The following INTS2 variants were observed in gnomAD, a reference collection of about 807,000 sequenced individuals.
INTS2 encodes KIAA1287.
A neutral mutation model predicts 139.6 loss-of-function variants in INTS2; 57 were observed. That is an observed-to-expected ratio of 0.41 (90% CI 0.33 to 0.51). The LOEUF (loss-of-function observed/expected upper bound fraction) is 0.51, where lower values mean the gene tolerates loss of function less well. INTS2 is among the 20% of genes least tolerant of loss of function. INTS2 has a pLI of 0.28. For missense variants in INTS2, 1,196 were observed against 1,436.7 expected, an observed-to-expected ratio of 0.83 and a Z score of 2.71; for synonymous variants, 473 against 493.4, an observed-to-expected ratio of 0.96 and a Z score of 0.55.
intron 5 of INTS2, among the ~76,000 whole-genome samples, chr17:61,913,952 AC>A (rs1300299773): frequency 6.6e-6 from 1 of 152,146 alleles, no homozygotes; most frequent in Non-Finnish European, 1.5e-5. Context: ...ATCCATGACA[AC>A]AATGGCACAA....
rs200866807 is a variant in INTS2 at position 61,923,688 on chromosome 17, T to TGG, written c.432+1272_432+1273insCC. 4.6e-5 allele frequency among the ~76,000 whole-genome samples: 7 copies of TGG among 152,020 alleles called. No individual in the cohort carries two copies. In the South Asian group the frequency reaches 6.3e-4, roughly 14 times the overall value. On this transcript the variant is annotated intron_variant, in intron 3 of 24. Transcript: ENST00000251334. ...TAGTGGGTTTTTGTGGTGGTGGTGG[T>TGG]TGTTGTTTTTGAGGCAGTTTTACTC...
At position 61,911,807 on chromosome 17, in the gene INTS2, A is replaced by T. The variant is rs2079529369; in HGVS notation, c.781-114T>A. The T allele has an allele frequency of 2.8e-6, 4 of 1,421,948 alleles. No homozygotes were observed. In the Admixed American group the frequency reaches 9.0e-5, roughly 32 times the overall value. 88.1% of individuals were successfully genotyped at this position (1,421,948 alleles called of 1,614,324 possible). ...GGAAGAACTCCTACAAAACATAAAA[A>T]CCCAGAGAGGAAGGTAACATATCCA... On this transcript the variant is annotated intron_variant, in intron 6 of 24. Coordinates refer to ENST00000251334, the MANE Select transcript of INTS2 (RefSeq NM_001351695.2).
chr17:61,906,160 G>A (rs1459345258), intron 8 of INTS2, among the ~76,000 whole-genome samples: 1 of 152,076 alleles, frequency 6.6e-6, no homozygotes, highest in Non-Finnish European at 1.5e-5. Flanking sequence ...AATCTGAAAT[G>A]CCCCCAAACT....
intron 8 of INTS2, among the ~76,000 whole-genome samples, chr17:61,904,946 A>ATT (rs547719682): frequency 5.7e-5 from 8 of 141,150 alleles, no homozygotes; most frequent in East Asian, 4.1e-4. Flanking sequence ...ATAATGCATA[A>ATT]TTTTTTTTTT....
chr17:61,881,179 A>T lies in INTS2; in HGVS notation c.2090-8T>A. On this transcript the variant is annotated splice_polypyrimidine_tract_variant and splice_region_variant and intron_variant, in intron 16 of 24. Coordinates refer to ENST00000251334, the MANE Select transcript of INTS2 (RefSeq NM_001351695.2). ...GTAAAGCTGAATGCAACCCTTGAAA[A>T]TTTACAGAAAATCAATTGGATTCTT... is the stretch of plus-strand genomic sequence containing the variant. 1.2e-6 allele frequency: 2 copies of T among 1,604,542 alleles called. No individual in the cohort carries two copies. Among genetic ancestry groups the T allele is most frequent in the Non-Finnish European group, 1.7e-6 (2 of 1,175,252 alleles).
At chr17:61,883,379 A>G (rs1388694816) in intron 16 of INTS2, among the ~76,000 whole-genome samples, 2 of 151,908 alleles carry the variant, frequency 1.3e-5, no homozygotes, top group African/African-American at 2.4e-5. Flanking sequence ...ATACAAAGAC[A>G]TAAGTAAATA....
rs1567912966 is a variant in INTS2 at position 61,911,660 on chromosome 17, C to A, written c.814G>T (p.Ala272Ser). ...TTTTTAGTATGATCCAATGTCAAAG[C>A]CACACCAAGGCCTGGCAAGTGACAT... ...EECHLPGLGV[A>S]LTLDHTKNEA... The change falls in exon 7 of 25, where the codon GCT (alanine) becomes TCT (serine). Residue 272 changes from alanine to serine, a missense_variant. Ala to Ser is a moderately conservative substitution (Grantham distance 99, BLOSUM62 1). Around this residue, in one of 3 missense-constraint regions of INTS2, gnomAD observed 1,129 missense variants for 1,341.9 expected, o/e 0.84. Coordinates refer to ENST00000251334, the MANE Select transcript of INTS2 (RefSeq NM_001351695.2). 1.2e-6 allele frequency: 2 copies of A among 1,613,548 alleles called. No individual in the cohort carries two copies. The highest frequency in any genetic ancestry group is 2.2e-5 in the East Asian group (1 of 44,884).
At chr17:61,894,328 AAT>A (rs2079325536) in intron 12 of INTS2, 1 of 152,558 alleles carries the variant, frequency 6.6e-6, no homozygotes, top group South Asian at 2.1e-4. Context: ...GCACCACATA[AAT>A]ATAAACAGAA....
chr17:61,922,208 C>T (rs1442329617), intron 3 of INTS2, among the ~76,000 whole-genome samples: 2 of 152,052 alleles, frequency 1.3e-5, no homozygotes, highest in African/African-American at 2.4e-5. Flanking sequence ...CAGTGGCTGA[C>T]GCCTGTAATC....
At chr17:61,886,408 G>T (rs937864940) in intron 15 of INTS2, among the ~76,000 whole-genome samples, 1 of 152,108 alleles carries the variant, frequency 6.6e-6, no homozygotes, top group African/African-American at 2.4e-5. Flanking sequence ...CCCTCAACCA[G>T]CCATGTCCAA....
Position 61,893,968 on chromosome 17 carries a change from G to T in INTS2, c.1564-69C>A. ...TAAAATTATTTTGAAAGAGAGATTA[G>T]TAAGTAGACTGTCAACACCTAATAC... On this transcript the variant is annotated intron_variant, in intron 12 of 24. Coordinates refer to ENST00000251334, the MANE Select transcript of INTS2 (RefSeq NM_001351695.2). This position sits in a 1 kb window ranked among gnomAD's most constrained non-coding sequence, Gnocchi z 5.4. 1 of 1,047,096 alleles carries T rather than the reference G, an allele frequency of 9.6e-7. No homozygotes were observed. The highest frequency in any genetic ancestry group is 1.4e-6 in the Non-Finnish European group (1 of 739,244). The allele number at this position is 1,047,096 out of a possible 1,614,324, so 64.9% of individuals were successfully genotyped here.
intron 16 of INTS2, among the ~76,000 whole-genome samples, chr17:61,884,524 G>A (rs2079207194): frequency 6.6e-6 from 1 of 151,724 alleles, no homozygotes; most frequent in South Asian, 2.1e-4. Context: ...AACAAAAGAG[G>A]TAGTGTACAA....
intron 5 of INTS2, among the ~76,000 whole-genome samples, chr17:61,916,230 C>G (rs542485315): frequency 3.9e-5 from 6 of 152,076 alleles, no homozygotes; most frequent in African/African-American, 1.2e-4. Context: ...GTCAGGAGAT[C>G]GAGACCATCC....
rs745873962 is a variant in INTS2 at position 61,869,494 on chromosome 17, T to C, written c.3031-114A>G. On this transcript the variant is annotated intron_variant, in intron 21 of 24. Coordinates refer to ENST00000251334, the MANE Select transcript of INTS2 (RefSeq NM_001351695.2). The surrounding 1 kb of genome is among the most constrained non-coding windows in gnomAD (Gnocchi z 5.4). ...TCTGTAAAAATTGCTCAGAAGGCTATAGTGCCCCATATGTAACCTGGCATT... is the reference window on the plus strand; with the variant it reads ...TCTGTAAAAATTGCTCAGAAGGCTACAGTGCCCCATATGTAACCTGGCATT... 9.4e-6 allele frequency: 8 copies of C among 855,512 alleles called. No individual in the cohort carries two copies. Among genetic ancestry groups the C allele is most frequent in the South Asian group, 3.6e-5 (2 of 55,476 alleles). 53.0% of individuals were successfully genotyped at this position (855,512 alleles called of 1,614,324 possible). A position where few individuals can be genotyped will look rare whatever the true frequency, so the allele number is the denominator to read the frequency against.
At chr17:61,918,067 G>A (rs538273103) in intron 5 of INTS2, among the ~76,000 whole-genome samples, 1 of 152,286 alleles carries the variant, frequency 6.6e-6, no homozygotes, top group South Asian at 2.1e-4. Flanking sequence ...CCACAATTAT[G>A]TCTGGAGACA....
At chr17:61,901,559 T>C (rs970836487) in intron 9 of INTS2, among the ~76,000 whole-genome samples, 4 of 120,246 alleles carry the variant, frequency 3.3e-5, no homozygotes, top group Non-Finnish European at 6.8e-5. Context: ...AGACAAATCC[T>C]AAAAGGCAGA....
At chr17:61,901,012 C>T (rs1055316810) in intron 9 of INTS2, among the ~76,000 whole-genome samples, 3 of 152,140 alleles carry the variant, frequency 2.0e-5, no homozygotes, top group Non-Finnish European at 4.4e-5. Flanking sequence ...TGGTGGCTCA[C>T]ACCTGTAGTT....
Position 61,873,124 on chromosome 17 carries a change from A to G in INTS2, c.2583-664T>C, listed in dbSNP as rs2079101917. Among the ~76,000 whole-genome samples, 1 of 152,224 alleles carries G rather than the reference A, an allele frequency of 6.6e-6. No homozygotes were observed. The highest frequency in any genetic ancestry group is 2.4e-5 in the African/African-American group (1 of 41,458). On this transcript the variant is annotated intron_variant, in intron 19 of 24. Coordinates refer to ENST00000251334, the MANE Select transcript of INTS2 (RefSeq NM_001351695.2). The surrounding 1 kb of genome is among the most constrained non-coding windows in gnomAD (Gnocchi z 4.0). ...AAATACTCAGCATGGGGAAATGCAC[A>G]TAATCACCAAAGCACTATTGATAAA... is the stretch of plus-strand genomic sequence containing the variant.
rs1025472754 is a variant in INTS2, at chr17:61,873,596, T to C, written c.2583-1136A>G. Among the ~76,000 whole-genome samples the C allele has an allele frequency of 3.9e-5, 6 of 152,202 alleles. No homozygotes were observed. Among genetic ancestry groups the C allele is most frequent in the African/African-American group, 1.4e-4 (6 of 41,448 alleles). On this transcript the variant is annotated intron_variant, in intron 19 of 24. Transcript: ENST00000251334. The surrounding 1 kb of genome is among the most constrained non-coding windows in gnomAD (Gnocchi z 4.0). ...AGCTCTTTTCTAGAAGTGTTATTTA[T>C]TGTGGTTTCCTTTTATTAGATACTT...
Sources: gnomAD v4.1 joint callset for allele counts (sites outside exome capture counted in the v4.1 genomes callset) on GRCh38, gnomAD v4.1.1 for gene constraint, gnomAD v4.1.1 regional missense constraint, Gnocchi (gnomAD v3.1) non-coding constraint, MANE v1.5 for transcripts, NCBI Gene and HGNC (gene_info 2026-07-23, HGNC 2026-07-21) for gene names.